NPAS3: variants seen among roughly 807,000 people sequenced by gnomAD.
The protein encoded by NPAS3 is neuronal PAS domain protein 3.
In NPAS3, 14 loss-of-function variants were observed where a neutral mutation model predicts 73.1. That is an observed-to-expected ratio of 0.19 (90% CI 0.13 to 0.30). NPAS3 has a LOEUF of 0.30. Ranked by LOEUF, NPAS3 falls within the 10% of genes least tolerant of loss-of-function variation. The pLI, the probability that NPAS3 is intolerant of heterozygous loss-of-function variation, is 1.00. For missense variants in NPAS3, 1,096 were observed against 1,250.0 expected, an observed-to-expected ratio of 0.88 and a Z score of 1.86; for synonymous variants, 620 against 541.5, an observed-to-expected ratio of 1.14 and a Z score of -2.01.
At chr14:33,583,027 AC>A (rs2056736109) in intron 5 of NPAS3, among the ~76,000 whole-genome samples, 1 of 132,574 alleles carries the variant, frequency 7.5e-6, no homozygotes, top group Non-Finnish European at 1.5e-5. Flanking sequence ...GCTGTAGTGA[AC>A]CCTAGGTAAG....
intron 6 of NPAS3, among the ~76,000 whole-genome samples, chr14:33,708,714 G>C (rs544816159): frequency 3.9e-5 from 6 of 152,174 alleles, no homozygotes; most frequent in African/African-American, 7.2e-5. Flanking sequence ...CATGGAGGTG[G>C]GGGGAGCAGG....
rs1250703618 is a variant in NPAS3 at position 33,389,687 on chromosome 14, T to C, written c.468+22419T>C. ...ACAGAGGATAAATTCATCTTTATTA[T>C]TTTTCATCTTGAGAAAATTATCTTA... On this transcript the variant is annotated intron_variant, in intron 4 of 11. Transcript: ENST00000356141. 2.0e-5 allele frequency among the ~76,000 whole-genome samples: 3 copies of C among 152,202 alleles called. No homozygotes were observed. The East Asian group carries it at 5.8e-4, about 29-fold the overall frequency.
intron 2 of NPAS3, among the ~76,000 whole-genome samples, chr14:33,058,125 T>TAA (rs11409227): frequency 0.027 from 3,908 of 145,298 alleles, 168 homozygotes; most frequent in African/African-American, 0.092. Context: ...AAATGTATTG[T>TAA]AAAAAAAAAA....
rs187460504 is a variant in NPAS3 at position 33,591,748 on chromosome 14, C to T, written c.558+31538C>T. Among the ~76,000 whole-genome samples, 4 of 152,328 alleles carry T rather than the reference C, an allele frequency of 2.6e-5. No homozygotes were observed. The East Asian group carries it at 5.8e-4, about 22-fold the overall frequency. On this transcript the variant is annotated intron_variant, in intron 5 of 11. Transcript: ENST00000356141. ...AGTTTACCTAAGCACAGTCAAATCT[C>T]TTGATCTCAGCGTATTATCCTCATT...
intron 3 of NPAS3, among the ~76,000 whole-genome samples, chr14:33,292,984 G>A (rs2042160540): frequency 6.6e-6 from 1 of 152,184 alleles, no homozygotes; most frequent in African/African-American, 2.4e-5. Flanking sequence ...CCAGGCAGCA[G>A]TCTCAGCTTG....
intron 4 of NPAS3, among the ~76,000 whole-genome samples, chr14:33,495,071 G>T (rs1292040896): frequency 6.6e-6 from 1 of 152,066 alleles, no homozygotes; most frequent in Non-Finnish European, 1.5e-5. Context: ...TGGTGTTAGG[G>T]CATCGATTTT....
At chr14:33,433,647 G>A (rs2048867397) in intron 4 of NPAS3, among the ~76,000 whole-genome samples, 1 of 152,114 alleles carries the variant, frequency 6.6e-6, no homozygotes, top group Admixed American at 6.5e-5. Context: ...TTGTACTCTT[G>A]GACTTCATTT....
chr14:33,615,099 A>G (rs1250356120), intron 5 of NPAS3, among the ~76,000 whole-genome samples: 1 of 152,178 alleles, frequency 6.6e-6, no homozygotes, highest in Admixed American at 6.5e-5. Flanking sequence ...ATCGGTACAA[A>G]GATGGCAAAG....
rs377747610 is a variant in NPAS3, at chr14:33,608,396, G to A, written c.558+48186G>A. 6 of 152,300 alleles carry A rather than the reference G, an allele frequency of 3.9e-5. No individual in the cohort carries two copies. In the East Asian group the frequency reaches 7.7e-4, roughly 20 times the overall value. 9.4% of individuals were successfully genotyped at this position (152,300 alleles called of 1,614,324 possible). A position where few individuals can be genotyped will look rare whatever the true frequency, so the allele number is the denominator to read the frequency against. ...TTAGGATCACAGTTTTATAGAGTAT[G>A]CAGATGTGAGGATGTTTCTGAAATG... On this transcript the variant is annotated intron_variant, in intron 5 of 11. Coordinates refer to ENST00000356141, the Ensembl canonical transcript of NPAS3.
At position 32,953,085 on chromosome 14, in the gene NPAS3, A is replaced by G. The variant is rs58851308; in HGVS notation, c.50+13719A>G. Among the ~76,000 whole-genome samples, 362 of 151,778 alleles carry G rather than the reference A, an allele frequency of 2.4e-3. 1 individual carries two copies. Among genetic ancestry groups the G allele is most frequent in the African/African-American group, 8.5e-3 (350 of 41,196 alleles). On this transcript the variant is annotated intron_variant, in intron 1 of 11. Coordinates refer to ENST00000356141, the Ensembl canonical transcript of NPAS3. ...GACCCTGTCTCAAAACAAATCATCA[A>G]ACAAAAAGCAAACAACAACAAAAAA...
Position 33,033,942 on chromosome 14 carries a change from G to T in NPAS3, c.51-21963G>T, listed in dbSNP as rs957215975. On this transcript the variant is annotated intron_variant, in intron 1 of 11. Transcript: ENST00000356141. ...AACTACATTTATTTAATAATGTTTA[G>T]AGGTGTTATTTGAAAACACAATATC... Among the ~76,000 whole-genome samples, 4 of 152,142 alleles carry T rather than the reference G, an allele frequency of 2.6e-5. No homozygotes were observed. The East Asian group carries it at 5.8e-4, about 22-fold the overall frequency.
At chr14:33,009,882 G>T (rs1172989119) in intron 1 of NPAS3, among the ~76,000 whole-genome samples, 5 of 152,084 alleles carry the variant, frequency 3.3e-5, no homozygotes, top group Non-Finnish European at 7.4e-5. Context: ...GTCTAGTGCT[G>T]GTTCTGACAC....
rs77311356 is a variant in NPAS3 at position 33,694,606 on chromosome 14, T to G, written c.733+18221T>G. 1.1e-4 allele frequency among the ~76,000 whole-genome samples: 17 copies of G among 152,282 alleles called. No individual in the cohort carries two copies. In the East Asian group the frequency reaches 3.3e-3, roughly 29 times the overall value. On this transcript the variant is annotated intron_variant, in intron 6 of 11. Transcript: ENST00000356141. Reference sequence around the variant, plus strand: ...TCTTCACAGGTCGACCTGCCCTTTATTTTTTTACAAAGCTAGTAAACATGA... The same window carrying G: ...TCTTCACAGGTCGACCTGCCCTTTAGTTTTTTACAAAGCTAGTAAACATGA...
At chr14:33,652,834 G>A (rs1484318802) in intron 5 of NPAS3, among the ~76,000 whole-genome samples, 2 of 152,148 alleles carry the variant, frequency 1.3e-5, no homozygotes, top group Admixed American at 6.5e-5. Flanking sequence ...AGATTTAGAT[G>A]CAATAAGCTG....
intron 1 of NPAS3, among the ~76,000 whole-genome samples, chr14:33,043,832 AC>A (rs1453368263): frequency 5.3e-5 from 8 of 152,040 alleles, no homozygotes; most frequent in Non-Finnish European, 1.0e-4. Context: ...AAAAAAAAAA[AC>A]AACTTCCCAA....
At chr14:33,462,381 G>A (rs973175652) in intron 4 of NPAS3, among the ~76,000 whole-genome samples, 7 of 152,156 alleles carry the variant, frequency 4.6e-5, no homozygotes, top group Admixed American at 6.6e-5. Flanking sequence ...CCCCTTTGAG[G>A]TCGGGTGGGA....
intron 9 of NPAS3, among the ~76,000 whole-genome samples, chr14:33,779,316 G>A (rs567031355): frequency 5.9e-5 from 9 of 152,252 alleles, no homozygotes; most frequent in Admixed American, 2.0e-4. Context: ...GCATCCAACC[G>A]CCCTGGCTGT....
At chr14:33,564,867 T>C (rs978042579) in intron 5 of NPAS3, among the ~76,000 whole-genome samples, 13 of 152,192 alleles carry the variant, frequency 8.5e-5, no homozygotes, top group African/African-American at 3.1e-4. Flanking sequence ...TTTACACATT[T>C]GTATGGGGTG....
chr14:33,126,526 G>C (rs1405852067), intron 2 of NPAS3, among the ~76,000 whole-genome samples: 1 of 152,116 alleles, frequency 6.6e-6, no homozygotes, highest in Non-Finnish European at 1.5e-5. Flanking sequence ...TAATCCAGGC[G>C]GGTGGGTGGG....
Sources: allele counts gnomAD v4.1 joint callset (sites outside exome capture counted in the v4.1 genomes callset), GRCh38; gene constraint gnomAD v4.1.1; transcripts MANE v1.5; gene names NCBI Gene and HGNC (gene_info 2026-07-23, HGNC 2026-07-21).